PAH: variants seen among roughly 807,000 people sequenced by gnomAD.
PAH encodes phenylalanine-4-hydroxylase.
A neutral mutation model predicts 62.0 loss-of-function variants in PAH; 64 were observed. The ratio of observed to expected loss-of-function variants is 1.03; its 90% CI spans 0.84 to 1.27. PAH has a LOEUF of 1.27. Among genes scored for constraint, PAH ranks in the 50% most tolerant of loss-of-function variants. The probability of loss-of-function intolerance (pLI) is 0.00; values close to 1 mark genes in which losing one functional copy is unlikely to be tolerated. For synonymous variants in PAH, 195 were observed against 196.2 expected (o/e 0.99, Z 0.05); for missense variants, 579 against 542.8 (o/e 1.07, Z -0.66).
chr12:102,853,856 T>C (rs1427981018), intron 6 of PAH, among the ~76,000 whole-genome samples: 1 of 152,196 alleles, frequency 6.6e-6, no homozygotes, highest in Non-Finnish European at 1.5e-5. Context: ...AATAGCCCTA[T>C]GAAGTAGACA....
intron 3 of PAH, among the ~76,000 whole-genome samples, chr12:102,892,304 T>C (rs2136698549): frequency 6.6e-6 from 1 of 152,312 alleles, no homozygotes; most frequent in Admixed American, 6.5e-5. Flanking sequence ...ATTCAAATGC[T>C]TCTTTCAGCT....
intron 2 of PAH, among the ~76,000 whole-genome samples, chr12:102,899,751 T>C (rs946516834): frequency 2.2e-5 from 3 of 139,122 alleles, no homozygotes; most frequent in Non-Finnish European, 3.1e-5. Flanking sequence ...CCCAGCTACT[T>C]GGGAGGCTGA....
At chr12:102,887,083 C>A (rs1877071855) in intron 3 of PAH, among the ~76,000 whole-genome samples, 1 of 151,624 alleles carries the variant, frequency 6.6e-6, no homozygotes, top group Non-Finnish European at 1.5e-5. Context: ...ATATTTGTAT[C>A]AAATGCTACA....
intron 2 of PAH, among the ~76,000 whole-genome samples, chr12:102,909,784 C>A (rs887416431): frequency 1.2e-4 from 18 of 152,068 alleles, no homozygotes; most frequent in African/African-American, 4.3e-4. Context: ...CATGGTGAAA[C>A]CCTGTCTCTA....
In PAH at chr12:102,855,176, A is replaced by G; in HGVS notation, c.666T>C (p.Asp222=). 1 of 1,614,190 alleles carries G rather than the reference A, an allele frequency of 6.2e-7. No individual in the cohort carries two copies. The highest frequency in any genetic ancestry group is 1.1e-5 in the South Asian group (1 of 91,086). Residue 222 remains aspartate (D), a synonymous_variant, in exon 6 of 13, where the codon GAT becomes GAC. Coordinates refer to ENST00000553106, the MANE Select transcript of PAH (RefSeq NM_000277.3). The part of the protein sequence containing the change: ...LLEKYCGFHE[D]NIPQLEDVSQ... ...AAACGTCTTCCAGCTGGGGAATGTT[A>G]TCTTCATGGAAGCCACAGTACTTTT...
chr12:102,875,836 TAC>T (rs1037761081), intron 4 of PAH, among the ~76,000 whole-genome samples: 11 of 152,238 alleles, frequency 7.2e-5, no homozygotes, highest in African/African-American at 2.6e-4. Context: ...TCAAACTTCC[TAC>T]ACGTTTGCAA....
At chr12:102,916,476 G>C (rs1482362575) in intron 1 of PAH, 3 of 157,286 alleles carry the variant, frequency 1.9e-5, no homozygotes, top group African/African-American at 7.2e-5. Context: ...TTATTTCCAA[G>C]TCACGTTTAG....
chr12:102,901,257 C>T (rs1877749253), intron 2 of PAH, among the ~76,000 whole-genome samples: 1 of 152,180 alleles, frequency 6.6e-6, no homozygotes. Flanking sequence ...TGGTATCTTG[C>T]AAGTATGTGG....
At chr12:102,951,058 TG>T (rs5800546), upstream of PAH, among the ~76,000 whole-genome samples, 54,477 of 150,544 alleles carry the variant, frequency 0.36, 11,243 homozygotes, top group African/African-American at 0.57. Flanking sequence ...AGTTTGTGCG[TG>T]GGGGGGGAAG....
intron 1 of PAH, among the ~76,000 whole-genome samples, chr12:102,931,676 C>T (rs947514759): frequency 5.9e-5 from 9 of 152,140 alleles, no homozygotes; most frequent in African/African-American, 2.2e-4. Context: ...GAGTCAGTTG[C>T]CCCTTCCATT....
chr12:102,844,502 AG>A, intron 9 of PAH, 71 bp from the exon 10 acceptor site: 1 of 981,944 alleles, frequency 1.0e-6, no homozygotes, highest in East Asian at 2.4e-5. Flanking sequence ...GACTGGATGA[AG>A]GGATACCTGA....
upstream of PAH, chr12:102,917,584 GC>G (rs113191080): frequency 0.03 from 6,862 of 227,854 alleles, 315 homozygotes; most frequent in African/African-American, 0.11. Context: ...TGAATAATCC[GC>G]CCCCCTTACC....
intron 2 of PAH, chr12:102,904,632 C>T (rs888254981): frequency 6.6e-6 from 2 of 301,482 alleles, no homozygotes; most frequent in Non-Finnish European, 1.4e-5. Flanking sequence ...GGAAACACTG[C>T]TCTAAAGTAT....
intron 1 of PAH, among the ~76,000 whole-genome samples, chr12:102,915,469 G>T (rs1175930409): frequency 1.3e-5 from 2 of 152,090 alleles, no homozygotes; most frequent in Non-Finnish European, 2.9e-5. Flanking sequence ...AATTCCCTTT[G>T]CTATGGACAT....
chr12:102,897,444 C>CAT (rs1451647492), intron 2 of PAH, among the ~76,000 whole-genome samples: 5 of 131,096 alleles, frequency 3.8e-5, no homozygotes, highest in South Asian at 4.7e-4. Context: ...TATTAACTCT[C>CAT]ATATATATGT....
chr12:102,848,388 A>G (rs71466235), intron 8 of PAH, among the ~76,000 whole-genome samples: 8 of 125,466 alleles, frequency 6.4e-5, no homozygotes, highest in African/African-American at 1.5e-4. Context: ...CCAGGACACT[A>G]GAAAGGCTGA....
upstream of PAH, chr12:102,953,327 A>G (rs1381421958): frequency 1.3e-5 from 2 of 152,356 alleles, no homozygotes; most frequent in East Asian, 1.9e-4. Flanking sequence ...TATTTGTCCA[A>G]TGAAAATCCT....
chr12:102,918,558 CA>C (rs1418620729), upstream of PAH, among the ~76,000 whole-genome samples: 1 of 120,936 alleles, frequency 8.3e-6, no homozygotes, highest in African/African-American at 3.7e-5. Context: ...GCCCATGCCT[CA>C]GTTTTTTTTT....
At chr12:102,938,661 A>C (rs1423930230) in intron 1 of PAH, among the ~76,000 whole-genome samples, 1 of 152,140 alleles carries the variant, frequency 6.6e-6, no homozygotes, top group Non-Finnish European at 1.5e-5. Flanking sequence ...CCCAGAGGTA[A>C]ATGACAGACC....
Sources: gnomAD v4.1 joint callset for allele counts (sites outside exome capture counted in the v4.1 genomes callset) on GRCh38, gnomAD v4.1.1 for gene constraint, MANE v1.5 for transcripts, NCBI Gene and HGNC (gene_info 2026-07-23, HGNC 2026-07-21) for gene names.